CD99: variants seen among roughly 807,000 people sequenced by gnomAD.
CD99 encodes CD99 molecule (Xg blood group).
Under a neutral mutation model 28.4 loss-of-function variants are expected in CD99, and 19 were observed. That is an observed-to-expected ratio of 0.67 (90% CI 0.47 to 0.98). The LOEUF (loss-of-function observed/expected upper bound fraction) is 0.98, where lower values mean the gene tolerates loss of function less well. Ranked by LOEUF, CD99 falls within the 50% of genes least tolerant of loss-of-function variation. The pLI is 0.00. For synonymous variants in CD99, 103 were observed against 92.1 expected (o/e 1.12, Z -0.67); for missense variants, 283 against 248.8 (o/e 1.14, Z -0.92).
intron 8 of CD99, among the ~76,000 whole-genome samples, chrX:2,731,503 T>C (rs1229297193): frequency 1.3e-5 from 2 of 151,976 alleles, no homozygotes; most frequent in Non-Finnish European, 2.9e-5. Flanking sequence ...GGCAGGAGAA[T>C]CGCTTGAACC....
intron 8 of CD99, chrX:2,733,211 G>C: frequency 1.2e-6 from 1 of 814,132 alleles, no homozygotes; most frequent in Non-Finnish European, 2.0e-6. Flanking sequence ...CACACTTTGA[G>C]CCTCTATCCC....
chrX:2,736,220 AAAG>A (rs934763819), intron 8 of CD99, among the ~76,000 whole-genome samples: 62 of 151,536 alleles, frequency 4.1e-4, no homozygotes, highest in African/African-American at 1.5e-3. Context: ...AAAAAAAAGA[AAAG>A]AAAAAGAAAA....
At chrX:2,691,504 GT>G in intron 1 of CD99, 77 bp downstream of exon 1, 1 of 1,460,180 alleles carries the variant, frequency 6.8e-7, no homozygotes, top group South Asian at 1.2e-5. Flanking sequence ...GAGATGCGGC[GT>G]TGGGGGCGCC....
At chrX:2,718,494 A>G (rs5939306) in intron 3 of CD99, among the ~76,000 whole-genome samples, 99,354 of 151,484 alleles carry the variant, frequency 0.66, 33,234 homozygotes, top group Non-Finnish European at 0.75. Context: ...TCAGCCTCCC[A>G]AGTAGCTGGG....
intron 1 of CD99, among the ~76,000 whole-genome samples, chrX:2,692,975 G>A (rs1375252237): frequency 6.6e-6 from 1 of 152,154 alleles, no homozygotes. Context: ...ATAACTCAGG[G>A]GTTCCCAGTG....
Position 2,738,316 on chromosome X carries a change from C to T in CD99, c.532+60C>T. ...GGCCAGTGTTCCCATTTTATCTTCT[C>T]CATCCTCTCCCATCTTGCTGTCCTG... On this transcript the variant is annotated intron_variant, in intron 9 of 9. Transcript: ENST00000381192. 10 of 1,468,058 alleles carry T rather than the reference C, an allele frequency of 6.8e-6. No individual in the cohort carries two copies. In the South Asian group the frequency reaches 1.0e-4, roughly 15 times the overall value. 90.9% of individuals were successfully genotyped at this position (1,468,058 alleles called of 1,614,324 possible). A position where few individuals can be genotyped will look rare whatever the true frequency, so the allele number is the denominator to read the frequency against.
chrX:2,691,504 G>A (rs781616676), intron 1 of CD99, 77 bp downstream of exon 1: 50 of 1,460,178 alleles, frequency 3.4e-5, no homozygotes, highest in Non-Finnish European at 4.0e-5. Context: ...GAGATGCGGC[G>A]TTGGGGGCGC....
At chrX:2,696,431 G>A (rs1264282057) in intron 1 of CD99, among the ~76,000 whole-genome samples, 1 of 151,992 alleles carries the variant, frequency 6.6e-6, no homozygotes, top group Non-Finnish European at 1.5e-5. Flanking sequence ...ATGAAGTCTC[G>A]CTCTTTTTCC....
chrX:2,733,521 A>ATCG, intron 8 of CD99: 1 of 816,460 alleles, frequency 1.2e-6, no homozygotes, highest in Non-Finnish European at 2.0e-6. Context: ...TCTCAATCAC[A>ATCG]TGGCGGATTC....
intron 2 of CD99, 156 bp from the exon 3 acceptor site, chrX:2,717,449 T>C (rs2048783130): frequency 1.5e-6 from 1 of 653,596 alleles, no homozygotes; most frequent in South Asian, 1.9e-5. Context: ...AGAGTCGTTG[T>C]ATAAACCTCA....
intron 1 of CD99, among the ~76,000 whole-genome samples, chrX:2,700,623 T>C (rs1008223482): frequency 6.6e-6 from 1 of 151,488 alleles, no homozygotes; most frequent in African/African-American, 2.4e-5. Context: ...AATGCACCTG[T>C]CCATCCATCC....
intron 1 of CD99, among the ~76,000 whole-genome samples, chrX:2,713,663 G>C (rs1411173700): frequency 6.6e-6 from 1 of 152,176 alleles, no homozygotes; most frequent in Non-Finnish European, 1.5e-5. Flanking sequence ...GGCTCCTGCG[G>C]GTTGTTCTTG....
intron 1 of CD99, among the ~76,000 whole-genome samples, chrX:2,709,660 A>G (rs756644890): frequency 4.3e-4 from 66 of 152,378 alleles, no homozygotes; most frequent in African/African-American, 1.5e-3. Context: ...TGAAATACAC[A>G]TGTACACATG....
chrX:2,722,794 G>C (rs182932488), intron 6 of CD99, 120 bp downstream of exon 6: 2 of 1,087,328 alleles, frequency 1.8e-6, no homozygotes, highest in Non-Finnish European at 2.8e-6. Flanking sequence ...GAAATGTTCA[G>C]CCATCTCTGT....
At chrX:2,727,411 T>C in intron 8 of CD99, 1 of 756,046 alleles carries the variant, frequency 1.3e-6, no homozygotes, top group Non-Finnish European at 2.5e-6. Context: ...CATTTAGCTC[T>C]TGCCTTCCCT....
intron 5 of CD99, 142 bp downstream of exon 5, chrX:2,720,566 G>T: frequency 1.6e-6 from 1 of 606,870 alleles, no homozygotes; most frequent in Non-Finnish European, 2.9e-6. Context: ...TTCATGTAAT[G>T]GAAAATGTAC....
intron 1 of CD99, among the ~76,000 whole-genome samples, chrX:2,693,175 ACT>A (rs1163342566): frequency 1.3e-5 from 2 of 148,318 alleles, no homozygotes; most frequent in African/African-American, 2.5e-5. Flanking sequence ...ACGGAGTTTC[ACT>A]CTGTCACCAG....
intron 1 of CD99, 94 bp downstream of exon 1, chrX:2,691,521 G>A (rs1445793290): frequency 1.0e-5 from 14 of 1,375,490 alleles, no homozygotes; most frequent in Non-Finnish European, 1.4e-5. Context: ...GCGCCCCGCG[G>A]GGACACCCGG....
chrX:2,696,708 A>T (rs2047593633), intron 1 of CD99, among the ~76,000 whole-genome samples: 1 of 152,128 alleles, frequency 6.6e-6, no homozygotes, highest in Non-Finnish European at 1.5e-5. Flanking sequence ...TGGCTGAAAC[A>T]TGGTAGCTCA....
Sources: gnomAD v4.1 joint callset for allele counts (sites outside exome capture counted in the v4.1 genomes callset) on GRCh38, gnomAD v4.1.1 for gene constraint, MANE v1.5 for transcripts, NCBI Gene and HGNC (gene_info 2026-07-23, HGNC 2026-07-21) for gene names.